The following GDA variants were observed in gnomAD, a reference collection of about 807,000 sequenced individuals.
GDA encodes cytoplasmic PSD-95 interactor.
In GDA, 18 loss-of-function variants were observed where a neutral mutation model predicts 59.6. The ratio of observed to expected loss-of-function variants is 0.30; its 90% confidence interval spans 0.21 to 0.45. The LOEUF (loss-of-function observed/expected upper bound fraction) is 0.45, where lower values mean the gene tolerates loss of function less well. Ranked by LOEUF, GDA falls within the 20% of genes least tolerant of loss-of-function variation. GDA has a pLI of 1.00. For missense variants in GDA, 427 were observed against 552.3 expected (o/e 0.77, Z 2.27); for synonymous variants, 201 against 201.1 (o/e 1.00, Z 0.00).
chr9:72,168,287 C>T lies in GDA; in HGVS notation c.123+18605C>T, dbSNP rs370612585. The stretch of plus-strand genomic sequence containing the variant: ...TAGTGGTGCGTGCCTGTGGTCCCAG[C>T]TACGCAGGAGGCTTAGGTAGAGTAC... On this transcript the variant is annotated intron_variant, in intron 1 of 13. Coordinates refer to ENST00000358399, the MANE Select transcript of GDA (RefSeq NM_004293.5). Among the ~76,000 whole-genome samples, 72 of 151,606 alleles carry T rather than the reference C, an allele frequency of 4.7e-4. 1 individual carries two copies. In the East Asian group the frequency reaches 0.014, roughly 29 times the overall value.
At chr9:72,256,288 C>A (rs1326111632), downstream of GDA, among the ~76,000 whole-genome samples, 1 of 152,146 alleles carries the variant, frequency 6.6e-6, no homozygotes, top group Non-Finnish European at 1.5e-5. Flanking sequence ...AATCAACATT[C>A]ATTTAAGCAA....
Position 72,204,251 on chromosome 9 carries a change from G to A in GDA, c.384+1509G>A, listed in dbSNP as rs1413202057. ...TAAAGCTATGTATAAAGTAGCTGGT[G>A]CATTGTGTTAATGAATGGTGTTAAC... On this transcript the variant is annotated intron_variant, in intron 3 of 13. Transcript: ENST00000358399. 3.3e-5 allele frequency among the ~76,000 whole-genome samples: 5 copies of A among 152,212 alleles called. No individual in the cohort carries two copies. The East Asian group carries it at 5.8e-4, about 18-fold the overall frequency.
Position 72,210,757 on chromosome 9 carries a change from T to G in GDA, c.455T>G (p.Leu152Arg), listed in dbSNP as rs766003586. The change falls in exon 4 of 14, where the codon CTC (leucine) becomes CGC (arginine). Residue 152 changes from leucine to arginine, a missense_variant. Physicochemically the swap from Leu to Arg is moderately radical, Grantham distance 102. Transcript: ENST00000358399. ...FATIHTDSSL[L>R]LADITDKFGQ... ...ACAATTCACACTGACTCATCTCTGC[T>G]CCTTGCCGACATTACAGGTGAGCAA... 6.2e-7 allele frequency: 1 copy of G among 1,608,394 alleles called. No individual in the cohort carries two copies. The highest frequency in any genetic ancestry group is 8.5e-7 in the Non-Finnish European group (1 of 1,174,886).
chr9:72,212,050 C>T (rs1489604839), intron 4 of GDA, among the ~76,000 whole-genome samples: 1 of 152,152 alleles, frequency 6.6e-6, no homozygotes, highest in Non-Finnish European at 1.5e-5. Context: ...AAAACAATTA[C>T]CATTGTCCCA....
At chr9:72,232,106 G>A (rs928594816) in intron 10 of GDA, among the ~76,000 whole-genome samples, 3 of 152,186 alleles carry the variant, frequency 2.0e-5, no homozygotes, top group African/African-American at 7.2e-5. Context: ...AAATTTCTAG[G>A]TGTCCTCTGT....
chr9:72,182,788 G>A (rs1446317817), intron 1 of GDA, among the ~76,000 whole-genome samples: 4 of 152,048 alleles, frequency 2.6e-5, no homozygotes, highest in Non-Finnish European at 5.9e-5. Flanking sequence ...ATATTAGTTG[G>A]TATTCCACTG....
intron 1 of GDA, among the ~76,000 whole-genome samples, chr9:72,174,399 T>C (rs1830320720): frequency 6.6e-6 from 1 of 152,240 alleles, no homozygotes; most frequent in Non-Finnish European, 1.5e-5. Context: ...ATTTTACATA[T>C]ACTGTCTCTT....
At chr9:72,231,040 G>A (rs971728104) in intron 9 of GDA, 74 bp from the exon 10 acceptor site, 13 of 860,810 alleles carry the variant, frequency 1.5e-5, no homozygotes, top group South Asian at 4.0e-5. Context: ...TGGCATCACC[G>A]TCATTGTTAT....
intron 9 of GDA, among the ~76,000 whole-genome samples, chr9:72,230,850 T>C (rs1838251306): frequency 6.6e-6 from 1 of 152,190 alleles, no homozygotes; most frequent in African/African-American, 2.4e-5. Flanking sequence ...TTTTTTCCCA[T>C]ACAAACGATC....
downstream of GDA, among the ~76,000 whole-genome samples, chr9:72,259,868 G>T (rs192764784): frequency 1.1e-4 from 16 of 152,272 alleles, no homozygotes; most frequent in Admixed American, 1.0e-3. Context: ...TATTTGAACA[G>T]GTTCAAGTTT....
rs371223443 is a variant in GDA at position 72,202,659 on chromosome 9, G to C, written c.301G>C (p.Glu101Gln). The C allele has an allele frequency of 6.2e-7, 1 of 1,613,418 alleles. No individual in the cohort carries two copies. Among genetic ancestry groups the C allele is most frequent in the East Asian group, 2.2e-5 (1 of 44,872 alleles). The change falls in exon 3 of 14, where the codon GAG becomes CAG. Residue 101 changes from glutamate to glutamine, a missense_variant. Transcript: ENST00000358399. ...AGSSIDLPLLEWLTKYTFPAE... is the reference protein window; with the variant it reads ...AGSSIDLPLLQWLTKYTFPAE... Reference sequence around the variant, plus strand: ...AAGTAGCATAGACCTGCCACTCTTGGAGTGGCTGACCAAGTACACATTTCC... The same window carrying C: ...AAGTAGCATAGACCTGCCACTCTTGCAGTGGCTGACCAAGTACACATTTCC...
intron 1 of GDA, among the ~76,000 whole-genome samples, chr9:72,123,922 G>T (rs147126002): frequency 6.6e-6 from 1 of 152,122 alleles, no homozygotes; most frequent in Non-Finnish European, 1.5e-5. Flanking sequence ...ATTGTTTTGC[G>T]TGAAAAACTC....
chr9:72,144,159 T>C (rs923634858), intron 1 of GDA, among the ~76,000 whole-genome samples: 1 of 152,140 alleles, frequency 6.6e-6, no homozygotes, highest in Non-Finnish European at 1.5e-5. Context: ...GAGGCAGAGG[T>C]TGCAGTGTGC....
chr9:72,227,896 A>T, intron 8 of GDA, 47 bp from the exon 9 acceptor site: 2 of 987,636 alleles, frequency 2.0e-6, no homozygotes, highest in Non-Finnish European at 3.2e-6. Flanking sequence ...GTACCCACTT[A>T]ATCATTTGTG....
intron 11 of GDA, 52 bp from the exon 12 acceptor site, chr9:72,245,096 G>A: frequency 1.3e-6 from 2 of 1,587,816 alleles, no homozygotes; most frequent in Non-Finnish European, 1.7e-6. Context: ...TGAGACATTA[G>A]TGTGGTCTGA....
upstream of GDA, among the ~76,000 whole-genome samples, chr9:72,145,264 G>A (rs1477274699): frequency 2.0e-5 from 3 of 152,150 alleles, no homozygotes; most frequent in Non-Finnish European, 4.4e-5. Flanking sequence ...GTAGATGACA[G>A]CCCACAGTGC....
chr9:72,227,807 G>T, intron 8 of GDA, 136 bp from the exon 9 acceptor site: 1 of 617,476 alleles, frequency 1.6e-6, no homozygotes, highest in Non-Finnish European at 2.9e-6. Flanking sequence ...TGTACATATA[G>T]ATCATCATAA....
intron 1 of GDA, among the ~76,000 whole-genome samples, chr9:72,157,563 G>A (rs1828066517): frequency 6.6e-6 from 1 of 152,142 alleles, no homozygotes; most frequent in African/African-American, 2.4e-5. Context: ...GGATTTCTGT[G>A]TGCATATTCA....
downstream of GDA, chr9:72,257,932 GAA>G (rs77904666): frequency 0.016 from 1,621 of 98,420 alleles, 35 homozygotes; most frequent in African/African-American, 0.055. Flanking sequence ...ACCTAGTCTC[GAA>G]AAAAAAAAAA....
Sources: allele counts gnomAD v4.1 joint callset (sites outside exome capture counted in the v4.1 genomes callset), GRCh38; gene constraint gnomAD v4.1.1; transcripts MANE v1.5; gene names NCBI Gene and HGNC (gene_info 2026-07-23, HGNC 2026-07-21).